The following MPP7 variants were observed in gnomAD, a reference collection of about 807,000 sequenced individuals.
MPP7 encodes the protein MAGUK p55 subfamily member 7.
A neutral mutation model predicts 76.5 loss-of-function variants in MPP7; 60 were observed. The observed-to-expected ratio is 0.78, with a 90% confidence interval of 0.64 to 0.97. MPP7 has a LOEUF of 0.97. Ranked by LOEUF, MPP7 falls within the 50% of genes least tolerant of loss-of-function variation. MPP7 has a pLI of 0.00. For synonymous variants in MPP7, 237 were observed against 244.5 expected (o/e 0.97, Z 0.29); for missense variants, 641 against 694.0 (o/e 0.92, Z 0.86).
chr10:28,282,183 C>A (rs1483500568), intron 1 of MPP7: 2 of 152,054 alleles, frequency 1.3e-5, no homozygotes, highest in African/African-American at 4.8e-5. Context: ...CAGCTGTGTG[C>A]CTCACAGGGC....
intron 3 of MPP7, among the ~76,000 whole-genome samples, chr10:28,178,016 T>A (rs935268398): frequency 9.2e-5 from 14 of 152,142 alleles, no homozygotes; most frequent in Admixed American, 9.2e-4. Flanking sequence ...ATTCTGGGAT[T>A]TGCAATCTCT....
chr10:28,256,321 T>C (rs552805673), intron 1 of MPP7, among the ~76,000 whole-genome samples: 5 of 146,774 alleles, frequency 3.4e-5, no homozygotes, highest in African/African-American at 1.3e-4. Flanking sequence ...TTCAGTTGCT[T>C]TCAGGGAAAA....
In MPP7 at chr10:28,303,032, CG is replaced by C. The variant is rs1589043425; in HGVS notation, c.-304del. On this transcript the variant is annotated 5_prime_UTR_variant, in exon 1 of 17. Coordinates refer to ENST00000683449, the MANE Select transcript of MPP7 (RefSeq NM_001318170.2). ...AGAACGCACGAGCCCAGTGGGAGCC[CG>C]GCCCCCGCCTCCAGCCCGGCTAGTA... 1.3e-5 allele frequency among the ~76,000 whole-genome samples: 2 copies of C among 152,118 alleles called. No homozygotes were observed. Among genetic ancestry groups the C allele is most frequent in the East Asian group, 3.9e-4 (2 of 5,166 alleles).
At chr10:28,108,176 A>C (rs1378316159) in intron 11 of MPP7, among the ~76,000 whole-genome samples, 1 of 152,222 alleles carries the variant, frequency 6.6e-6, no homozygotes, top group Non-Finnish European at 1.5e-5. Context: ...TAAATACTGT[A>C]AACTTTCTAG....
At chr10:28,215,530 A>G (rs1329200633) in intron 2 of MPP7, among the ~76,000 whole-genome samples, 1 of 152,206 alleles carries the variant, frequency 6.6e-6, no homozygotes, top group Non-Finnish European at 1.5e-5. Context: ...GGAAGCGACA[A>G]TTATGCTGGG....
intron 11 of MPP7, among the ~76,000 whole-genome samples, chr10:28,099,146 A>C (rs1853700245): frequency 6.6e-6 from 1 of 152,168 alleles, no homozygotes; most frequent in Admixed American, 6.5e-5. Flanking sequence ...AGCTACAAAC[A>C]TGGCCATTAA....
intron 1 of MPP7, among the ~76,000 whole-genome samples, chr10:28,285,446 A>G (rs986531715): frequency 1.3e-5 from 2 of 152,168 alleles, no homozygotes; most frequent in Non-Finnish European, 2.9e-5. Flanking sequence ...CGGCCTCCCA[A>G]AGTGCTAGGA....
intron 2 of MPP7, among the ~76,000 whole-genome samples, chr10:28,310,928 C>T (rs1841286373): frequency 6.6e-6 from 1 of 152,150 alleles, no homozygotes; most frequent in Non-Finnish European, 1.5e-5. Context: ...AATTTTGCAT[C>T]AACCTAAAAT....
chr10:28,174,190 C>T (rs1363393657), intron 3 of MPP7, among the ~76,000 whole-genome samples: 2 of 151,918 alleles, frequency 1.3e-5, no homozygotes, highest in South Asian at 2.1e-4. Context: ...ATACACTGAT[C>T]GTGGCAATAC....
chr10:28,202,311 T>G (rs1837802303), intron 2 of MPP7, 40 bp from the exon 3 acceptor site: 2 of 1,421,636 alleles, frequency 1.4e-6, no homozygotes, highest in Non-Finnish European at 2.0e-6. Context: ...AATCTTAGAG[T>G]GATCTCATTA....
chr10:28,259,376 C>T (rs566881267), intron 1 of MPP7, among the ~76,000 whole-genome samples: 7 of 152,016 alleles, frequency 4.6e-5, no homozygotes, highest in East Asian at 3.9e-4. Flanking sequence ...CTCAAGAGTT[C>T]GAGACCAGCC....
intron 2 of MPP7, among the ~76,000 whole-genome samples, chr10:28,207,038 T>C (rs1185956371): frequency 3.9e-5 from 6 of 152,190 alleles, no homozygotes; most frequent in African/African-American, 1.2e-4. Flanking sequence ...ATGTGCCTTC[T>C]CCATTCAACA....
At chr10:28,084,303 A>C (rs1355631565) in intron 12 of MPP7, among the ~76,000 whole-genome samples, 5 of 152,254 alleles carry the variant, frequency 3.3e-5, no homozygotes, top group Non-Finnish European at 7.3e-5. Flanking sequence ...CAAAGAAGGC[A>C]ATGGCAACTG....
chr10:28,141,110 A>T (rs1373468191), intron 5 of MPP7, among the ~76,000 whole-genome samples: 1 of 152,098 alleles, frequency 6.6e-6, no homozygotes, highest in African/African-American at 2.4e-5. Context: ...AAATATCTGC[A>T]GTTATTTATG....
chr10:28,167,310 C>CAAAAAAAAAAAA (rs747188721), intron 3 of MPP7, among the ~76,000 whole-genome samples: 3 of 67,798 alleles, frequency 4.4e-5, no homozygotes, highest in Admixed American at 1.5e-4. Flanking sequence ...GGCTCTGCCT[C>CAAAAAAAAAAAA]AAAAAAACAA....
intron 1 of MPP7, among the ~76,000 whole-genome samples, chr10:28,278,424 T>G (rs1840568422): frequency 6.6e-6 from 1 of 152,102 alleles, no homozygotes. Context: ...CCTAATCAAT[T>G]TAAGGCATAC....
chr10:28,215,249 C>G (rs1251087149), intron 2 of MPP7, among the ~76,000 whole-genome samples: 2 of 152,092 alleles, frequency 1.3e-5, no homozygotes, highest in Non-Finnish European at 2.9e-5. Flanking sequence ...GTGAATTACT[C>G]TTTCTCCATT....
chr10:28,090,003 C>G (rs1244517301), intron 11 of MPP7, among the ~76,000 whole-genome samples, 162 bp from the exon 12 acceptor site: 1 of 152,030 alleles, frequency 6.6e-6, no homozygotes, highest in Non-Finnish European at 1.5e-5. Context: ...CTCTGTTGCC[C>G]AACCTGGAGA....
At chr10:28,270,100 T>C (rs972690481) in intron 1 of MPP7, among the ~76,000 whole-genome samples, 2 of 152,292 alleles carry the variant, frequency 1.3e-5, no homozygotes, top group South Asian at 2.1e-4. Flanking sequence ...CAATGACTTG[T>C]AGGCTGGTAA....
Sources: gnomAD v4.1 joint callset for allele counts (sites outside exome capture counted in the v4.1 genomes callset) on GRCh38, gnomAD v4.1.1 for gene constraint, MANE v1.5 for transcripts, NCBI Gene and HGNC (gene_info 2026-07-23, HGNC 2026-07-21) for gene names.